Variants in MAP3K8 observed in about 807,000 individuals in gnomAD.
The protein encoded by MAP3K8 is mitogen-activated protein kinase kinase kinase 8.
MAP3K8 carries 22 observed loss-of-function variants against 45.8 expected under a neutral mutation model. That is an observed-to-expected ratio of 0.48 (90% CI 0.34 to 0.69). The LOEUF (loss-of-function observed/expected upper bound fraction) is 0.69, where lower values mean the gene tolerates loss of function less well. Ranked by LOEUF, MAP3K8 falls within the 30% of genes least tolerant of loss-of-function variation. MAP3K8 has a pLI of 0.01. For synonymous variants in MAP3K8, 223 were observed against 214.3 expected, an observed-to-expected ratio of 1.04 and a Z score of -0.36; for missense variants, 419 against 585.0, an observed-to-expected ratio of 0.72 and a Z score of 2.93.
chr10:30,458,240 A>C lies in MAP3K8; in HGVS notation c.1026+4A>C. On this transcript the variant is annotated splice_donor_region_variant and intron_variant, in intron 7 of 8. Transcript: ENST00000263056. ...CTATCCCTCCTACCTGTACATAGTA[A>C]GTGGGGTTCAACCAGGGCTGGGGGC... The C allele has an allele frequency of 1.2e-6, 1 of 865,620 alleles. No individual in the cohort carries two copies. The highest frequency in any genetic ancestry group is 1.7e-6 in the Non-Finnish European group (1 of 605,712). 53.6% of individuals were successfully genotyped at this position (865,620 alleles called of 1,614,324 possible). A position where few individuals can be genotyped will look rare whatever the true frequency, so the allele number is the denominator to read the frequency against.
chr10:30,458,151 G>C lies in MAP3K8; in HGVS notation c.941G>C (p.Gly314Ala). ...HSTKADIYSL[G>A]ATLIHMQTGT... ...ACCAAAGCAGACATCTACAGCCTGGGGGCCACGCTCATCCACATGCAGACG... is the reference window on the plus strand; with the variant it reads ...ACCAAAGCAGACATCTACAGCCTGGCGGCCACGCTCATCCACATGCAGACG... Residue 314 changes from glycine (G) to alanine (A), a missense_variant, in exon 7 of 9, where the codon GGG (glycine) becomes GCG (alanine). Physicochemically the swap from Gly to Ala is moderately conservative, Grantham distance 60. This residue lies in a region of MAP3K8 where 209 missense variants were observed against 367.3 expected (regional missense o/e 0.57). Coordinates refer to ENST00000263056, the MANE Select transcript of MAP3K8 (RefSeq NM_005204.4). The C allele has an allele frequency of 6.3e-7, 1 of 1,595,648 alleles. No homozygotes were observed. The highest frequency in any genetic ancestry group is 8.5e-7 in the Non-Finnish European group (1 of 1,170,758).
chr10:30,459,239 G>A lies in MAP3K8; in HGVS notation c.1027-16G>A. ...TCACCATACCTTTGATGCTAAGAGAGCTGGTTTGTTGATAGATCCACAAGC... is the reference window on the plus strand; with the variant it reads ...TCACCATACCTTTGATGCTAAGAGAACTGGTTTGTTGATAGATCCACAAGC... On this transcript the variant is annotated splice_polypyrimidine_tract_variant and intron_variant, in intron 7 of 8. Coordinates refer to ENST00000263056, the MANE Select transcript of MAP3K8 (RefSeq NM_005204.4). 1 of 1,613,958 alleles carries A rather than the reference G, an allele frequency of 6.2e-7. No individual in the cohort carries two copies. The highest frequency in any genetic ancestry group is 8.5e-7 in the Non-Finnish European group (1 of 1,179,964).
chr10:30,442,206 C>T (rs971906837), intron 3 of MAP3K8, among the ~76,000 whole-genome samples: 3 of 152,244 alleles, frequency 2.0e-5, no homozygotes, highest in Non-Finnish European at 4.4e-5. Context: ...GAGTATGCTG[C>T]TTCCCAGCAC....
chr10:30,447,638 G>T (rs1385643290), intron 3 of MAP3K8, 144 bp from the exon 4 acceptor site: 2 of 702,562 alleles, frequency 2.8e-6, no homozygotes, highest in East Asian at 5.2e-5. Flanking sequence ...TCTCTGTACA[G>T]TTGGTAGGAT....
Position 30,434,777 on chromosome 10 carries a change from C to A in MAP3K8, c.-255+399C>A, listed in dbSNP as rs1360119. ...AGTGCAGCTCGGAGGCTGGAGGACC[C>A]GATCCTCCCAAATGCTGGGTGCTTT... On this transcript the variant is annotated intron_variant, in intron 1 of 8. Transcript: ENST00000263056. The A allele has an allele frequency of 0.04, 39,340 of 984,998 alleles. 6,948 individuals carry two copies. In the African/African-American group the frequency reaches 0.48, roughly 12 times the overall value. The allele number at this position is 984,998 out of a possible 1,614,324, so 61.0% of individuals were successfully genotyped here. A position where few individuals can be genotyped will look rare whatever the true frequency, so the allele number is the denominator to read the frequency against.
In MAP3K8 at chr10:30,439,443, G is replaced by T. The variant is rs989514362; in HGVS notation, c.336+169G>T. 5 of 1,237,812 alleles carry T rather than the reference G, an allele frequency of 4.0e-6. No individual in the cohort carries two copies. The African/African-American group carries it at 7.6e-5, about 19-fold the overall frequency. The allele number at this position is 1,237,812 out of a possible 1,614,324, so 76.7% of individuals were successfully genotyped here. The stretch of plus-strand genomic sequence containing the variant: ...CCATGTTAAAGATGCAAAAAAAAAA[G>T]TCTTCATTAAAATTTCTATTTAAAG... On this transcript the variant is annotated intron_variant, in intron 3 of 8. Transcript: ENST00000263056.
intron 6 of MAP3K8, among the ~76,000 whole-genome samples, chr10:30,454,121 A>G (rs535896570): frequency 2.0e-5 from 3 of 152,254 alleles, no homozygotes; most frequent in African/African-American, 7.2e-5. Flanking sequence ...TACCGGGGGA[A>G]GCTGCACTGC....
intron 7 of MAP3K8, 104 bp downstream of exon 7, chr10:30,458,340 T>C: frequency 1.5e-6 from 1 of 672,998 alleles, no homozygotes; most frequent in Non-Finnish European, 2.2e-6. Context: ...CACCCCCATC[T>C]GAATGAGGCA....
At chr10:30,436,366 C>T (rs1000806545) in intron 1 of MAP3K8, among the ~76,000 whole-genome samples, 3 of 152,062 alleles carry the variant, frequency 2.0e-5, no homozygotes, top group Admixed American at 1.3e-4. Context: ...TTCTGGGGAA[C>T]GTAGATTTGC....
chr10:30,461,059 T>A lies in MAP3K8; in HGVS notation c.*223T>A, dbSNP rs766183039. On this transcript the variant is annotated 3_prime_UTR_variant, in exon 9 of 9. Coordinates refer to ENST00000263056, the MANE Select transcript of MAP3K8 (RefSeq NM_005204.4). ...GGTTCTCATTTCTCAGGTGACGTGA[T>A]TCTAAGGCAGGAATTTGAGAGTTCA... is the stretch of plus-strand genomic sequence containing the variant. 2.8e-4 allele frequency: 124 copies of A among 437,728 alleles called. No individual in the cohort carries two copies. Among genetic ancestry groups the A allele is most frequent in the East Asian group, 9.9e-4 (27 of 27,178 alleles). The allele number at this position is 437,728 out of a possible 1,614,324, so 27.1% of individuals were successfully genotyped here. A position where few individuals can be genotyped will look rare whatever the true frequency, so the allele number is the denominator to read the frequency against.
intron 4 of MAP3K8, among the ~76,000 whole-genome samples, chr10:30,449,283 C>T (rs768243550): frequency 3.9e-5 from 6 of 152,070 alleles, no homozygotes; most frequent in Non-Finnish European, 8.8e-5. Flanking sequence ...CTAGCTCTGT[C>T]GCCCAGGCTG....
rs1247963198 is a variant in MAP3K8 at position 30,434,365 on chromosome 10, C to G, written c.-268C>G. On this transcript the variant is annotated 5_prime_UTR_variant, in exon 1 of 9. Coordinates refer to ENST00000263056, the MANE Select transcript of MAP3K8 (RefSeq NM_005204.4). The stretch of plus-strand genomic sequence containing the variant: ...CTGGAGCGCTCGGCCGGCGTGGGAG[C>G]GCCAAGGCCGCAGGTAATCCAGGGT... The G allele has an allele frequency of 2.0e-5, 16 of 812,756 alleles. No individual in the cohort carries two copies. The highest frequency in any genetic ancestry group is 2.4e-5 in the Non-Finnish European group (16 of 672,246). 50.3% of individuals were successfully genotyped at this position (812,756 alleles called of 1,614,324 possible).
chr10:30,446,405 C>G (rs1362149659), intron 3 of MAP3K8, among the ~76,000 whole-genome samples: 3 of 151,880 alleles, frequency 2.0e-5, no homozygotes, highest in Non-Finnish European at 4.4e-5. Context: ...CGTGGTGGTG[C>G]GTACCTATAA....
Position 30,459,438 on chromosome 10 carries a change from G to C in MAP3K8, c.1210G>C (p.Ala404Pro). The change falls in exon 8 of 9, where the codon GCC becomes CCC. Residue 404 changes from alanine (A) to proline (P), a missense_variant. Physicochemically the swap from Ala to Pro is conservative, Grantham distance 27 (BLOSUM62 -1). This residue lies in a region of MAP3K8 where 108 missense variants were observed against 124.2 expected (regional missense o/e 0.87). Transcript: ENST00000263056. Reference sequence around the variant, plus strand: ...GCCACGCTGTCAGAGTCTGGACTCTGCCCTCTTGGAGCGCAAGAGGCTGCT... The same window carrying C: ...GCCACGCTGTCAGAGTCTGGACTCTCCCCTCTTGGAGCGCAAGAGGCTGCT... ...DQPRCQSLDS[A>P]LLERKRLLSR... 1 of 1,614,112 alleles carries C rather than the reference G, an allele frequency of 6.2e-7. No individual in the cohort carries two copies. Among genetic ancestry groups the C allele is most frequent in the Non-Finnish European group, 8.5e-7 (1 of 1,180,016 alleles).
intron 3 of MAP3K8, among the ~76,000 whole-genome samples, chr10:30,445,478 C>T (rs1001676378): frequency 6.6e-6 from 1 of 152,162 alleles, no homozygotes; most frequent in East Asian, 1.9e-4. Flanking sequence ...GTAAAACTTT[C>T]ATGAAGATGA....
intron 6 of MAP3K8, among the ~76,000 whole-genome samples, chr10:30,454,726 A>G (rs1465653023): frequency 6.6e-6 from 1 of 152,126 alleles, no homozygotes; most frequent in Non-Finnish European, 1.5e-5. Flanking sequence ...TTTGAGCAGA[A>G]CAATATTCAG....
rs8177062 is a variant in MAP3K8 at position 30,458,125 on chromosome 10, A to T, written c.915A>T (p.Ser305=). 0.01 allele frequency: 16,403 copies of T among 1,592,302 alleles called. 106 individuals are homozygous for T. The highest frequency in any genetic ancestry group is 0.012 in the Non-Finnish European group (14,583 of 1,168,976). ...AGGTCATCCTGTGCAGGGGCCATTC[A>T]ACCAAAGCAGACATCTACAGCCTGG... The part of the protein sequence containing the change: ...SPEVILCRGH[S]TKADIYSLGA... Residue 305 remains serine, a synonymous_variant, in exon 7 of 9, where the codon TCA becomes TCT. Coordinates refer to ENST00000263056, the MANE Select transcript of MAP3K8 (RefSeq NM_005204.4).
At chr10:30,447,982 TG>T (rs770126069) in intron 4 of MAP3K8, 33 bp downstream of exon 4, 2 of 1,560,516 alleles carry the variant, frequency 1.3e-6, no homozygotes, top group South Asian at 2.4e-5. Flanking sequence ...ACCCACACTG[TG>T]TGTTTGGCAT....
Position 30,450,241 on chromosome 10 carries a change from G to C in MAP3K8, c.505-17G>C. 1.1e-5 allele frequency: 17 copies of C among 1,565,504 alleles called. No individual in the cohort carries two copies. Among genetic ancestry groups the C allele is most frequent in the Middle Eastern group, 1.7e-4 (1 of 5,850 alleles). On this transcript the variant is annotated splice_polypyrimidine_tract_variant and intron_variant, in intron 4 of 8. Coordinates refer to ENST00000263056, the MANE Select transcript of MAP3K8 (RefSeq NM_005204.4). ...TTTGGGGTTATTTAGAATCTCGCTT[G>C]TATTTTTGTGTTCTAGATCCCAGTA...
Sources: allele counts gnomAD v4.1 joint callset (sites outside exome capture counted in the v4.1 genomes callset), GRCh38; gene constraint gnomAD v4.1.1; regional missense constraint gnomAD v4.1.1; transcripts MANE v1.5; gene names NCBI Gene and HGNC (gene_info 2026-07-23, HGNC 2026-07-21).